The following COLGALT2 variants were observed in gnomAD, a reference collection of about 807,000 sequenced individuals.
The protein encoded by COLGALT2 is collagen beta(1-O)galactosyltransferase 2, also known as procollagen galactosyltransferase 2.
Under a neutral mutation model 73.4 loss-of-function variants are expected in COLGALT2, and 49 were observed. The observed-to-expected ratio is 0.67, with a 90% CI of 0.53 to 0.85. COLGALT2 has a LOEUF of 0.85. COLGALT2 is among the 40% of genes least tolerant of loss of function. COLGALT2 has a pLI of 0.00. For synonymous variants in COLGALT2, 295 were observed against 307.6 expected (o/e 0.96, Z 0.43); for missense variants, 722 against 790.2 (o/e 0.91, Z 1.03).
chr1:183,985,247 C>T (rs530740593), intron 1 of COLGALT2, among the ~76,000 whole-genome samples: 9 of 152,172 alleles, frequency 5.9e-5, no homozygotes, highest in Admixed American at 2.0e-4. Context: ...AGGTGGGACA[C>T]GGAAACTGAG....
intron 1 of COLGALT2, among the ~76,000 whole-genome samples, chr1:184,006,015 C>T (rs914094401): frequency 5.9e-5 from 9 of 152,280 alleles, no homozygotes; most frequent in African/African-American, 2.2e-4. Context: ...CATCTTCATA[C>T]CAGTTTCTTT....
chr1:184,023,500 T>A (rs1056630814), intron 1 of COLGALT2, among the ~76,000 whole-genome samples: 11 of 152,188 alleles, frequency 7.2e-5, no homozygotes, highest in Admixed American at 4.6e-4. Flanking sequence ...ACCTCCAAAG[T>A]GCAAATGCAG....
intron 1 of COLGALT2, among the ~76,000 whole-genome samples, chr1:184,005,347 G>C (rs1021778051): frequency 1.3e-5 from 2 of 152,206 alleles, no homozygotes; most frequent in Non-Finnish European, 2.9e-5. Context: ...CATGTGAACT[G>C]GTTGTCTTAA....
In COLGALT2 at chr1:184,037,715, G is replaced by T; in HGVS notation, c.-358C>A. 1.0e-6 allele frequency: 1 copy of T among 969,742 alleles called. No individual in the cohort carries two copies. The highest frequency in any genetic ancestry group is 1.2e-6 in the Non-Finnish European group (1 of 811,398). 60.1% of individuals were successfully genotyped at this position (969,742 alleles called of 1,614,324 possible). The stretch of plus-strand genomic sequence containing the variant: ...CAGCTGAGGTCTGTGGCCTTCCCTA[G>T]AGCCGCGAGTTGTGGCCCTGTCTGC... On this transcript the variant is annotated 5_prime_UTR_variant, in exon 1 of 12. Coordinates refer to ENST00000361927, the MANE Select transcript of COLGALT2 (RefSeq NM_015101.4).
chr1:184,009,958 A>G (rs1353608525), intron 1 of COLGALT2, among the ~76,000 whole-genome samples: 1 of 152,212 alleles, frequency 6.6e-6, no homozygotes, highest in African/African-American at 2.4e-5. Flanking sequence ...TCCAGTTTCC[A>G]TACACTCATC....
intron 1 of COLGALT2, among the ~76,000 whole-genome samples, chr1:183,979,320 A>G (rs889242949): frequency 1.3e-5 from 2 of 152,166 alleles, no homozygotes; most frequent in African/African-American, 4.8e-5. Context: ...TGAAAAACAG[A>G]AAAAGAGAAG....
Position 183,935,907 on chromosome 1 carries a change from A to AAAT in COLGALT2, c.*2851_*2853dup. ...AATAGTTTATCACTTCCCCACTCTGAAATAGCACGCAAGACAGATGATGCA... is the reference window on the plus strand; with the variant it reads ...AATAGTTTATCACTTCCCCACTCTGAAATAATAGCACGCAAGACAGATGATGCA... On this transcript the variant is annotated 3_prime_UTR_variant, in exon 12 of 12. Coordinates refer to ENST00000361927, the MANE Select transcript of COLGALT2 (RefSeq NM_015101.4). 1 of 985,414 alleles carries AAAT rather than the reference A, an allele frequency of 1.0e-6. No individual in the cohort carries two copies. The highest frequency in any genetic ancestry group is 1.7e-5 in the African/African-American group (1 of 57,370). The allele number at this position is 985,414 out of a possible 1,614,324, so 61.0% of individuals were successfully genotyped here.
intron 1 of COLGALT2, among the ~76,000 whole-genome samples, chr1:184,024,655 C>CTTTT (rs35844838): frequency 0.013 from 1,678 of 128,232 alleles, 80 homozygotes; most frequent in Admixed American, 0.07. Context: ...CCAGCCTCAG[C>CTTTT]TTTTTTTTTT....
chr1:183,964,050 C>T, intron 5 of COLGALT2, 30 bp from the exon 6 acceptor site: 1 of 1,609,992 alleles, frequency 6.2e-7, no homozygotes. Context: ...ACAAAGCCAA[C>T]AATCAGAAAA....
In COLGALT2 at chr1:183,938,608, G is replaced by A. The variant is rs1670026132; in HGVS notation, c.*153C>T. 1 of 1,430,330 alleles carries A rather than the reference G, an allele frequency of 7.0e-7. No individual in the cohort carries two copies. Among genetic ancestry groups the A allele is most frequent in the South Asian group, 1.6e-5 (1 of 62,970 alleles). 88.6% of individuals were successfully genotyped at this position (1,430,330 alleles called of 1,614,324 possible). ...TATTTCCTTCCATGGTCAAAAATATGTTAATTTCGATCTATCACACTAGAT... is the reference window on the plus strand; with the variant it reads ...TATTTCCTTCCATGGTCAAAAATATATTAATTTCGATCTATCACACTAGAT... On this transcript the variant is annotated 3_prime_UTR_variant, in exon 12 of 12. Coordinates refer to ENST00000361927, the MANE Select transcript of COLGALT2 (RefSeq NM_015101.4).
At chr1:184,026,998 C>A (rs572323844) in intron 1 of COLGALT2, among the ~76,000 whole-genome samples, 45 of 152,184 alleles carry the variant, frequency 3.0e-4, no homozygotes, top group Non-Finnish European at 5.0e-4. Context: ...GTGCAAGGAG[C>A]TTCATACAGT....
intron 10 of COLGALT2, among the ~76,000 whole-genome samples, chr1:183,943,368 C>T (rs1480402028): frequency 6.6e-6 from 1 of 151,990 alleles, no homozygotes; most frequent in African/African-American, 2.4e-5. Flanking sequence ...TGGGAGCAAA[C>T]ACAATGCTTG....
At chr1:183,971,118 T>C (rs1671026596) in intron 4 of COLGALT2, among the ~76,000 whole-genome samples, 1 of 152,156 alleles carries the variant, frequency 6.6e-6, no homozygotes, top group Non-Finnish European at 1.5e-5. Flanking sequence ...GAGGCAGAGA[T>C]GATGAATGTG....
intron 1 of COLGALT2, among the ~76,000 whole-genome samples, chr1:184,008,151 A>C (rs1887282): frequency 0.081 from 12,286 of 152,260 alleles, 909 homozygotes; most frequent in East Asian, 0.43. Context: ...TACCAAAGAC[A>C]CGTGACTTAT....
intron 5 of COLGALT2, among the ~76,000 whole-genome samples, chr1:183,965,921 G>C (rs1572643766): frequency 6.6e-6 from 1 of 152,312 alleles, no homozygotes; most frequent in East Asian, 1.9e-4. Context: ...TGAGAAGAAT[G>C]TGTTTGCATG....
At chr1:183,978,579 T>G in intron 1 of COLGALT2, 59 bp from the exon 2 acceptor site, 2 of 1,042,392 alleles carry the variant, frequency 1.9e-6, no homozygotes, top group South Asian at 2.9e-5. Flanking sequence ...GAGAGGGAAA[T>G]CCAAAAGACC....
intron 1 of COLGALT2, among the ~76,000 whole-genome samples, chr1:184,001,642 A>T (rs12034962): frequency 0.081 from 12,259 of 152,262 alleles, 908 homozygotes; most frequent in East Asian, 0.43. Flanking sequence ...AGAGATGACT[A>T]ATATATCCCA....
chr1:183,983,210 T>C (rs547701338), intron 1 of COLGALT2, among the ~76,000 whole-genome samples: 15 of 152,168 alleles, frequency 9.9e-5, no homozygotes, highest in Non-Finnish European at 1.8e-4. Context: ...TGGAGAGAGG[T>C]GCATGAATCC....
intron 1 of COLGALT2, among the ~76,000 whole-genome samples, chr1:184,014,837 A>G (rs573075655): frequency 1.4e-3 from 217 of 152,294 alleles, no homozygotes; most frequent in Middle Eastern, 6.8e-3. Context: ...CACTAGCTTT[A>G]GTTTTATTGA....
Sources: allele counts gnomAD v4.1 joint callset (sites outside exome capture counted in the v4.1 genomes callset), GRCh38; gene constraint gnomAD v4.1.1; transcripts MANE v1.5; gene names NCBI Gene and HGNC (gene_info 2026-07-23, HGNC 2026-07-21).